LYSMD4: variants seen among roughly 807,000 people sequenced by gnomAD.
The protein encoded by LYSMD4 is LysM domain containing 4.
LYSMD4 carries 9 observed loss-of-function variants against 6.1 expected under a neutral mutation model. The observed-to-expected ratio is 1.47, with a 90% CI of 0.88 to 2.56. The LOEUF (loss-of-function observed/expected upper bound fraction) is 2.56, where lower values mean the gene tolerates loss of function less well. LYSMD4 is among the 30% of genes most tolerant of loss of function. The pLI, the probability that LYSMD4 is intolerant of heterozygous loss-of-function variation, is 0.00. For missense variants in LYSMD4, 384 were observed against 373.5 expected, an observed-to-expected ratio of 1.03 and a Z score of -0.23; for synonymous variants, 143 against 148.5, an observed-to-expected ratio of 0.96 and a Z score of 0.27.
At chr15:99,719,170 T>G (rs2153867734), upstream of LYSMD4, among the ~76,000 whole-genome samples, 1 of 151,662 alleles carries the variant, frequency 6.6e-6, no homozygotes, top group South Asian at 2.1e-4. Flanking sequence ...GGTTTTGTGG[T>G]TTTTGCCTTT....
chr15:99,716,800 G>A (rs1486071547), exon 1 of LYSMD4: 6 of 401,010 alleles, frequency 1.5e-5, no homozygotes, highest in African/African-American at 4.2e-5. Context: ...GAATCCATTC[G>A]GCCTCCAGTA....
At chr15:99,731,560 T>C in intron 2 of LYSMD4, 158 bp downstream of exon 2, 2 of 1,530,816 alleles carry the variant, frequency 1.3e-6, no homozygotes, top group South Asian at 2.7e-5. Flanking sequence ...CCCACCTGCA[T>C]TCCAATTCTG....
chr15:99,716,749 G>T (rs772738057), exon 1 of LYSMD4: 1 of 453,762 alleles, frequency 2.2e-6, no homozygotes. Flanking sequence ...TCCCACCGGG[G>T]CCTAATCTGG....
At chr15:99,716,134 C>A (rs1332716284) in exon 1 of LYSMD4, 1 of 157,610 alleles carries the variant, frequency 6.3e-6, no homozygotes, top group African/African-American at 2.4e-5. Context: ...TAGAAACTTT[C>A]TTCACTTTGC....
downstream of LYSMD4, among the ~76,000 whole-genome samples, chr15:99,725,752 G>A (rs1404741187): frequency 6.6e-6 from 1 of 152,176 alleles, no homozygotes; most frequent in Non-Finnish European, 1.5e-5. Context: ...CCTGCCTTGG[G>A]AGACCTTAAG....
chr15:99,723,273 A>C (rs1473442377), downstream of LYSMD4, among the ~76,000 whole-genome samples: 2 of 152,184 alleles, frequency 1.3e-5, no homozygotes, highest in Non-Finnish European at 2.9e-5. Context: ...TCCAAGAAAC[A>C]ATGAGCCCCA....
upstream of LYSMD4, among the ~76,000 whole-genome samples, chr15:99,719,333 A>G (rs1013274104): frequency 2.0e-5 from 3 of 152,018 alleles, no homozygotes; most frequent in Non-Finnish European, 2.9e-5. Context: ...GTTGGTTTTA[A>G]TGATTTATTT....
chr15:99,721,579 C>A (rs972509174), upstream of LYSMD4, among the ~76,000 whole-genome samples: 1 of 152,170 alleles, frequency 6.6e-6, no homozygotes, highest in South Asian at 2.1e-4. Flanking sequence ...GAAAAATCTG[C>A]CCCTTTTGGC....
rs2059413703 is a variant in LYSMD4 at position 99,731,604 on chromosome 15, G to A, written c.282+114C>T. The A allele has an allele frequency of 4.6e-6, 7 of 1,523,578 alleles. No individual in the cohort carries two copies. The East Asian group carries it at 1.4e-4, about 30-fold the overall frequency. 94.4% of individuals were successfully genotyped at this position (1,523,578 alleles called of 1,614,324 possible). A position where few individuals can be genotyped will look rare whatever the true frequency, so the allele number is the denominator to read the frequency against. ...GGGGAGTCCTTGGCTGCTACAGCAG[G>A]CCTCTCCTGACGGCCTGGCAGGGTT... On this transcript the variant is annotated intron_variant, in intron 2 of 2. Coordinates refer to ENST00000684762, the MANE Select transcript of LYSMD4 (RefSeq NM_001284417.2).
chr15:99,726,524 A>G (rs2059284320), downstream of LYSMD4, among the ~76,000 whole-genome samples: 1 of 152,088 alleles, frequency 6.6e-6, no homozygotes, highest in African/African-American at 2.4e-5. Flanking sequence ...GCAGCGCAGA[A>G]GGCCTTGCAT....
intron 2 of LYSMD4, 90 bp from the exon 3 acceptor site, chr15:99,729,821 T>C (rs1382147492): frequency 4.9e-6 from 7 of 1,434,360 alleles, no homozygotes; most frequent in Non-Finnish European, 6.5e-6. Flanking sequence ...TTCTGGGTGA[T>C]GATTCAAGCC....
chr15:99,732,451 TAAG>T (rs972807325), intron 1 of LYSMD4, among the ~76,000 whole-genome samples: 2 of 152,250 alleles, frequency 1.3e-5, no homozygotes, highest in African/African-American at 4.8e-5. Context: ...GTATCTTCAC[TAAG>T]AAGGTCAGCG....
chr15:99,724,433 G>C (rs2059261772), downstream of LYSMD4, among the ~76,000 whole-genome samples: 1 of 152,096 alleles, frequency 6.6e-6, no homozygotes, highest in South Asian at 2.1e-4. Flanking sequence ...GCTAATTTTT[G>C]TAATTTTTCA....
upstream of LYSMD4, among the ~76,000 whole-genome samples, chr15:99,719,174 T>C (rs1039148062): frequency 7.2e-5 from 11 of 152,084 alleles, no homozygotes; most frequent in Admixed American, 2.0e-4. Flanking sequence ...TTGTGGTTTT[T>C]GCCTTTGGCC....
rs2059420696 is a variant in LYSMD4 at position 99,731,774 on chromosome 15, G to A, written c.226C>T (p.Arg76Trp). Reference protein sequence around the residue: ...AGAGDVVLLQRELAQEDSLNK... With the variant: ...AGAGDVVLLQWELAQEDSLNK... ...AGGCTGTCCTCCTGGGCCAGCTCCCGCTGCAGCAGCACCACGTCACCTGCT... is the reference window on the plus strand; with the variant it reads ...AGGCTGTCCTCCTGGGCCAGCTCCCACTGCAGCAGCACCACGTCACCTGCT... Residue 76 changes from arginine to tryptophan, a missense_variant, in exon 2 of 3, where the codon CGG becomes TGG. Arg to Trp is a moderately radical substitution (Grantham distance 101, BLOSUM62 -3). Coordinates refer to ENST00000684762, the MANE Select transcript of LYSMD4 (RefSeq NM_001284417.2). The A allele has an allele frequency of 6.2e-7, 1 of 1,610,130 alleles. No homozygotes were observed. Among genetic ancestry groups the A allele is most frequent in the Non-Finnish European group, 8.5e-7 (1 of 1,178,764 alleles).
chr15:99,722,325 C>A (rs1429925200), upstream of LYSMD4, among the ~76,000 whole-genome samples: 1 of 152,056 alleles, frequency 6.6e-6, no homozygotes, highest in Non-Finnish European at 1.5e-5. Context: ...GGGAGCAGGG[C>A]CGAATGAGTG....
Position 99,733,399 on chromosome 15 carries a change from C to T in LYSMD4, c.-63G>A, listed in dbSNP as rs183900604. The T allele has an allele frequency of 0.015, 5,927 of 395,880 alleles. 238 individuals are homozygous for T. The highest frequency in any genetic ancestry group is 0.098 in the African/African-American group (4,761 of 48,544). The allele number at this position is 395,880 out of a possible 1,614,324, so 24.5% of individuals were successfully genotyped here. On this transcript the variant is annotated 5_prime_UTR_variant, in exon 1 of 3. Coordinates refer to ENST00000684762, the MANE Select transcript of LYSMD4 (RefSeq NM_001284417.2). ...GACCGGCGACTCGCGACCCGCGACC[C>T]GCGACCCGCAGCTGCCACCGCGCCT...
At chr15:99,731,270 G>A (rs911569088) in intron 2 of LYSMD4, 2 of 1,601,242 alleles carry the variant, frequency 1.2e-6, no homozygotes, top group Non-Finnish European at 1.7e-6. Context: ...AGTTCTAAAC[G>A]AGAGAAGGTA....
chr15:99,726,509 C>A (rs1024966089), downstream of LYSMD4, among the ~76,000 whole-genome samples: 1 of 152,084 alleles, frequency 6.6e-6, no homozygotes, highest in Non-Finnish European at 1.5e-5. Context: ...CACACTCCCC[C>A]TACTGCAGCG....
Sources: gnomAD v4.1 joint callset for allele counts (sites outside exome capture counted in the v4.1 genomes callset) on GRCh38, gnomAD v4.1.1 for gene constraint, MANE v1.5 for transcripts, NCBI Gene and HGNC (gene_info 2026-07-23, HGNC 2026-07-21) for gene names.